KCNT1: variants seen among roughly 807,000 people sequenced by gnomAD.
The protein encoded by KCNT1 is potassium sodium-activated channel subfamily T member 1.
In KCNT1, 78 loss-of-function variants were observed where a neutral mutation model predicts 147.8. The observed-to-expected ratio is 0.53, with a 90% CI of 0.44 to 0.64. The LOEUF (loss-of-function observed/expected upper bound fraction) is 0.64, where lower values mean the gene tolerates loss of function less well. Among genes scored for constraint, KCNT1 ranks in the 30% least tolerant of loss-of-function variants. The pLI is 0.00. For synonymous variants in KCNT1, 867 were observed against 748.8 expected, an observed-to-expected ratio of 1.16 and a Z score of -2.58; for missense variants, 1,419 against 1,750.3, an observed-to-expected ratio of 0.81 and a Z score of 3.38.
Position 135,755,116 on chromosome 9 carries a change from C to T in KCNT1, c.492-5C>T. On this transcript the variant is annotated splice_region_variant and splice_polypyrimidine_tract_variant and intron_variant, in intron 5 of 30. Transcript: ENST00000371757. ...CCTACTGTGCTGCCTCCTTTCTCTT[C>T]CCAGGGCTCCTATTCTGTGGGTGGA... 3.7e-6 allele frequency: 6 copies of T among 1,610,376 alleles called. No individual in the cohort carries two copies. The highest frequency in any genetic ancestry group is 4.2e-6 in the Non-Finnish European group (5 of 1,178,140).
In KCNT1 at chr9:135,793,387, C is replaced by A. The variant is rs1236763115; in HGVS notation, c.*1226C>A. 6.6e-6 allele frequency: 1 copy of A among 152,234 alleles called. No individual in the cohort carries two copies. Among genetic ancestry groups the A allele is most frequent in the Non-Finnish European group, 1.5e-5 (1 of 68,040 alleles). 9.4% of individuals were successfully genotyped at this position (152,234 alleles called of 1,614,324 possible). ...GTGGGGGTCCCAGAGTCCAGGAGGG[C>A]TGTCTGGTGAGCTGCCCATCAGCCT... On this transcript the variant is annotated 3_prime_UTR_variant, in exon 31 of 31. Coordinates refer to ENST00000371757, the MANE Select transcript of KCNT1 (RefSeq NM_020822.3).
At chr9:135,704,049 T>TGA (rs1307379201) in intron 1 of KCNT1, among the ~76,000 whole-genome samples, 2 of 152,168 alleles carry the variant, frequency 1.3e-5, no homozygotes, top group Non-Finnish European at 2.9e-5. Context: ...GAGCTCCAGG[T>TGA]GAGGCCAAGG....
intron 2 of KCNT1, among the ~76,000 whole-genome samples, chr9:135,724,027 G>A (rs1009370093): frequency 1.3e-5 from 2 of 152,166 alleles, no homozygotes; most frequent in South Asian, 2.1e-4. Context: ...AAGAGGCCCC[G>A]GGAAGCTCCA....
At position 135,794,313 on chromosome 9, in the gene KCNT1, G is replaced by A. The variant is rs971322784; in HGVS notation, c.*2152G>A. The A allele has an allele frequency of 2.0e-5, 3 of 152,362 alleles. No individual in the cohort carries two copies. The highest frequency in any genetic ancestry group is 6.5e-5 in the Admixed American group (1 of 15,292). 9.4% of individuals were successfully genotyped at this position (152,362 alleles called of 1,614,324 possible). A position where few individuals can be genotyped will look rare whatever the true frequency, so the allele number is the denominator to read the frequency against. Reference sequence around the variant, plus strand: ...CTTAGCCTTTGAGCCTCTCTCCAGGGGTGAGCGGAGCCCCCCAAAGAGGGC... The same window carrying A: ...CTTAGCCTTTGAGCCTCTCTCCAGGAGTGAGCGGAGCCCCCCAAAGAGGGC... On this transcript the variant is annotated 3_prime_UTR_variant, in exon 31 of 31. Transcript: ENST00000371757.
In KCNT1 at chr9:135,702,273, C is replaced by G; in HGVS notation, c.15C>G (p.Asp5Glu). ...TGCCAGGCCGCATGCCACTCCCTGA[C>G]GGGGCGCGGACCCCGGGGGGCGTCT... MPLP[D>E]GARTPGGVCR... The change falls in exon 1 of 31, where the codon GAC (aspartate) becomes GAG (glutamate). Residue 5 changes from aspartate to glutamate, a missense_variant. This residue lies in a region of KCNT1 where 181 missense variants were observed against 155.7 expected (regional missense o/e 1.16). Transcript: ENST00000371757. 1 of 1,608,768 alleles carries G rather than the reference C, an allele frequency of 6.2e-7. No homozygotes were observed. The highest frequency in any genetic ancestry group is 1.7e-4 in the Middle Eastern group (1 of 5,976).
intron 3 of KCNT1, 108 bp from the exon 4 acceptor site, chr9:135,750,834 G>T: frequency 4.2e-6 from 4 of 951,688 alleles, no homozygotes; most frequent in Non-Finnish European, 6.7e-6. Context: ...GTGTGGGAGG[G>T]GAGCCCAGCT....
At chr9:135,740,771 T>C (rs1830527162) in intron 2 of KCNT1, among the ~76,000 whole-genome samples, 2 of 152,304 alleles carry the variant, frequency 1.3e-5, no homozygotes, top group Middle Eastern at 3.4e-3. Context: ...TCCCAACAGC[T>C]AAGTTAGGGC....
rs1831252016 is a variant in KCNT1 at position 135,752,699 on chromosome 9, A to G, written c.435-1238A>G. The stretch of plus-strand genomic sequence containing the variant: ...GGAGGGATGAGTGGATGGGTGGATA[A>G]TGGATGGATAGGTGGATGCATGGTG... On this transcript the variant is annotated intron_variant, in intron 4 of 30. Coordinates refer to ENST00000371757, the MANE Select transcript of KCNT1 (RefSeq NM_020822.3). This position sits in a 1 kb window ranked among gnomAD's most constrained non-coding sequence, Gnocchi z 5.1. 6.9e-6 allele frequency among the ~76,000 whole-genome samples: 1 copy of G among 145,864 alleles called. No individual in the cohort carries two copies. Among genetic ancestry groups the G allele is most frequent in the African/African-American group, 2.6e-5 (1 of 38,792 alleles).
chr9:135,750,290 TG>T, intron 3 of KCNT1, 113 bp downstream of exon 3: 1 of 622,122 alleles, frequency 1.6e-6, no homozygotes, highest in Admixed American at 2.3e-5. Context: ...GTCCATGGGG[TG>T]GGAGCCACCT....
At chr9:135,770,497 C>G in intron 17 of KCNT1, 50 bp downstream of exon 17, 1 of 1,556,656 alleles carries the variant, frequency 6.4e-7, no homozygotes, top group Non-Finnish European at 8.7e-7. Flanking sequence ...CTGCTCTGCT[C>G]TGTGCCCTCC....
At chr9:135,737,547 G>A (rs1285105641) in intron 2 of KCNT1, among the ~76,000 whole-genome samples, 10 of 152,248 alleles carry the variant, frequency 6.6e-5, no homozygotes. Flanking sequence ...GTTCCTGGGA[G>A]AGAGAGGTGC....
At chr9:135,726,931 CCCTCCCTCTCCCTCTCTTTCCCATT>C (rs1836184775) in intron 2 of KCNT1, among the ~76,000 whole-genome samples, 1 of 96,070 alleles carries the variant, frequency 1.0e-5, no homozygotes, top group Admixed American at 9.3e-5. Flanking sequence ...CTCTCTCTCT[CCCTCCCTCTCCCTCTCTTTCCCATT>C]CTCCCTCTCC....
intron 19 of KCNT1, 101 bp downstream of exon 19, chr9:135,773,050 A>T: frequency 7.4e-6 from 6 of 811,284 alleles, no homozygotes; most frequent in Non-Finnish European, 1.1e-5. Flanking sequence ...CATGCTCTGA[A>T]TTGCAGCTTC....
At chr9:135,726,776 TCTCTCTCCG>T (rs1836168460) in intron 2 of KCNT1, among the ~76,000 whole-genome samples, 2 of 136,254 alleles carry the variant, frequency 1.5e-5, no homozygotes, top group Non-Finnish European at 3.2e-5. Context: ...TCTCTCTTCC[TCTCTCTCCG>T]TCTTTCCTAT....
intron 2 of KCNT1, among the ~76,000 whole-genome samples, chr9:135,741,554 C>T (rs1830569355): frequency 6.6e-6 from 1 of 152,222 alleles, no homozygotes; most frequent in African/African-American, 2.4e-5. Flanking sequence ...TGGGGTTCTG[C>T]CTGCTCCGTG....
rs1261017166 is a variant in KCNT1 at position 135,785,472 on chromosome 9, G to T, written c.3177+142G>T. Reference sequence around the variant, plus strand: ...CGAGGCAGGAGCGGGTCCCACGGATGTGTCGGCCCCAGCACGGCTCAGAGA... The same window carrying T: ...CGAGGCAGGAGCGGGTCCCACGGATTTGTCGGCCCCAGCACGGCTCAGAGA... On this transcript the variant is annotated intron_variant, in intron 28 of 30. Coordinates refer to ENST00000371757, the MANE Select transcript of KCNT1 (RefSeq NM_020822.3). 2.9e-6 allele frequency: 3 copies of T among 1,044,512 alleles called. No homozygotes were observed. The Admixed American group carries it at 6.3e-5, about 22-fold the overall frequency. The allele number at this position is 1,044,512 out of a possible 1,614,324, so 64.7% of individuals were successfully genotyped here. A position where few individuals can be genotyped will look rare whatever the true frequency, so the allele number is the denominator to read the frequency against.
rs774589071 is a variant in KCNT1, at chr9:135,786,399, C to T, written c.3380C>T (p.Ala1127Val). 3.6e-5 allele frequency: 56 copies of T among 1,572,906 alleles called. No homozygotes were observed. The Admixed American group carries it at 6.8e-4, about 19-fold the overall frequency. Residue 1127 changes from alanine to valine, a missense_variant, in exon 29 of 31, where the codon GCG becomes GTG. Physicochemically the swap from Ala to Val is moderately conservative, Grantham distance 64 (BLOSUM62 0). Coordinates refer to ENST00000371757, the MANE Select transcript of KCNT1 (RefSeq NM_020822.3). ...AAGGCGCCCAAGCAGGCAGGCCGGGCGGCGGCCGCGGAGTGGATCAGCCAG... is the reference window on the plus strand; with the variant it reads ...AAGGCGCCCAAGCAGGCAGGCCGGGTGGCGGCCGCGGAGTGGATCAGCCAG... Reference protein sequence around the residue: ...SRKAPKQAGRAAAAEWISQQR... With the variant: ...SRKAPKQAGRVAAAEWISQQR...
chr9:135,763,897 A>G (rs989356031), intron 11 of KCNT1, among the ~76,000 whole-genome samples: 7 of 152,204 alleles, frequency 4.6e-5, no homozygotes, highest in Admixed American at 1.3e-4. Context: ...GCTGAGGCTC[A>G]GAGTGGGGGA....
At chr9:135,708,229 CAT>C (rs753793084) in intron 1 of KCNT1, among the ~76,000 whole-genome samples, 5 of 152,298 alleles carry the variant, frequency 3.3e-5, no homozygotes, top group Non-Finnish European at 7.3e-5. Flanking sequence ...TGCATGCACA[CAT>C]ATGTCCACAT....
Sources: gnomAD v4.1 joint callset for allele counts (sites outside exome capture counted in the v4.1 genomes callset) on GRCh38, gnomAD v4.1.1 for gene constraint, gnomAD v4.1.1 regional missense constraint, Gnocchi (gnomAD v3.1) non-coding constraint, MANE v1.5 for transcripts, NCBI Gene and HGNC (gene_info 2026-07-23, HGNC 2026-07-21) for gene names.